EDARADD: variants seen among roughly 807,000 people sequenced by gnomAD.
EDARADD encodes the protein EDAR associated via death domain, also known as ectodysplasin-A receptor-associated adapter protein.
A neutral mutation model predicts 25.6 loss-of-function variants in EDARADD; 20 were observed. The ratio of observed to expected loss-of-function variants is 0.78; its 90% CI spans 0.55 to 1.14. EDARADD has a LOEUF of 1.14. EDARADD is among the 50% of genes most tolerant of loss of function. The pLI is 0.00. For missense variants in EDARADD, 225 were observed against 270.1 expected, an observed-to-expected ratio of 0.83 and a Z score of 1.17; for synonymous variants, 86 against 94.4, an observed-to-expected ratio of 0.91 and a Z score of 0.52.
chr1:236,394,407 A>G lies in EDARADD; in HGVS notation c.-38A>G, dbSNP rs1667475724. ...CGCAATCTGTTGCTTCTTCCATGGC[A>G]AACTCCAGAGAATTAAGAAGCCAAA... On this transcript the variant is annotated 5_prime_UTR_variant, in exon 1 of 6. Coordinates refer to ENST00000334232, the MANE Select transcript of EDARADD (RefSeq NM_145861.4). 6.2e-7 allele frequency: 1 copy of G among 1,611,920 alleles called. No individual in the cohort carries two copies. Among genetic ancestry groups the G allele is most frequent in the African/African-American group, 1.3e-5 (1 of 74,876 alleles).
intron 3 of EDARADD, among the ~76,000 whole-genome samples, chr1:236,377,597 C>T (rs371306712): frequency 6.6e-5 from 10 of 151,438 alleles, no homozygotes; most frequent in South Asian, 4.2e-4. Flanking sequence ...TGGTGGCTCA[C>T]GCCTGTAATC....
intron 4 of EDARADD, among the ~76,000 whole-genome samples, chr1:236,431,692 C>T (rs1658098562): frequency 2.0e-5 from 1 of 49,100 alleles, no homozygotes; most frequent in African/African-American, 3.9e-5. Flanking sequence ...GAGGCCGAGG[C>T]GGGTGGATCA....
At chr1:236,379,090 T>C (rs1223221145) in intron 3 of EDARADD, among the ~76,000 whole-genome samples, 6 of 151,926 alleles carry the variant, frequency 3.9e-5, no homozygotes, top group African/African-American at 1.4e-4. Context: ...CTAAAGTCAG[T>C]CGGGCGCGGT....
At chr1:236,353,131 C>T (rs1387940336) in intron 3 of EDARADD, among the ~76,000 whole-genome samples, 6 of 152,210 alleles carry the variant, frequency 3.9e-5, no homozygotes. Flanking sequence ...CACAGGACTC[C>T]AGCCTTGAAC....
At chr1:236,403,655 A>C (rs1667656538) in intron 1 of EDARADD, among the ~76,000 whole-genome samples, 1 of 152,014 alleles carries the variant, frequency 6.6e-6, no homozygotes, top group African/African-American at 2.4e-5. Flanking sequence ...GGATACTACT[A>C]CTCACCACTC....
chr1:236,427,371 C>G lies in EDARADD; in HGVS notation c.161-21C>G, dbSNP rs1553267281. The stretch of plus-strand genomic sequence containing the variant: ...AAAATCACACTTTGTTTCTTTCTTT[C>G]TTTCTTTTTTTTTTTCCTAGCTGAA... On this transcript the variant is annotated intron_variant, in intron 3 of 5. Transcript: ENST00000334232. 8 of 1,603,714 alleles carry G rather than the reference C, an allele frequency of 5.0e-6. No individual in the cohort carries two copies. The South Asian group carries it at 7.9e-5, about 16-fold the overall frequency.
chr1:236,478,381 G>GTGTGTGTGTGTGTA (rs914931296), intron 5 of EDARADD, among the ~76,000 whole-genome samples: 4 of 145,866 alleles, frequency 2.7e-5, no homozygotes, highest in African/African-American at 9.8e-5. Flanking sequence ...GTGTGTGTGT[G>GTGTGTGTGTGTGTA]TGTGTATGGA....
At chr1:236,425,058 T>C (rs923372040) in intron 3 of EDARADD, among the ~76,000 whole-genome samples, 2 of 152,122 alleles carry the variant, frequency 1.3e-5, no homozygotes, top group Non-Finnish European at 2.9e-5. Flanking sequence ...AGCCACCTCT[T>C]CCTCCAGGGA....
At chr1:236,460,169 A>G (rs1658999160) in intron 4 of EDARADD, among the ~76,000 whole-genome samples, 1 of 148,822 alleles carries the variant, frequency 6.7e-6, no homozygotes, top group African/African-American at 2.5e-5. Context: ...AAATAAATAC[A>G]TTTCTTCTTT....
chr1:236,354,893 G>T (rs374790596), intron 3 of EDARADD, among the ~76,000 whole-genome samples: 78 of 152,260 alleles, frequency 5.1e-4, no homozygotes, highest in African/African-American at 1.8e-3. Context: ...TGTAGCCATT[G>T]TGCATGCATT....
At chr1:236,409,364 C>G in intron 2 of EDARADD, 90 bp downstream of exon 2, 1 of 1,031,184 alleles carries the variant, frequency 9.7e-7, no homozygotes, top group Non-Finnish European at 1.5e-6. Flanking sequence ...TCAGTATTTA[C>G]ATGTGCATCA....
At chr1:236,472,018 A>AC (rs1659373489) in intron 5 of EDARADD, among the ~76,000 whole-genome samples, 1 of 151,392 alleles carries the variant, frequency 6.6e-6, no homozygotes. Flanking sequence ...GACATTCACT[A>AC]TTTTTTTTTA....
At chr1:236,466,792 G>A (rs61834027) in intron 4 of EDARADD, among the ~76,000 whole-genome samples, 4,364 of 152,306 alleles carry the variant, frequency 0.029, 93 homozygotes, top group Non-Finnish European at 0.045. Context: ...AAACATGCTG[G>A]GCACTGTGGC....
intron 4 of EDARADD, among the ~76,000 whole-genome samples, chr1:236,453,515 AT>A (rs1658769353): frequency 6.6e-6 from 1 of 152,076 alleles, no homozygotes; most frequent in South Asian, 2.1e-4. Flanking sequence ...TGACCTTGTG[AT>A]CCACCCGCCT....
chr1:236,393,431 T>C (rs1489450866), upstream of EDARADD, among the ~76,000 whole-genome samples: 3 of 120,232 alleles, frequency 2.5e-5, no homozygotes, highest in African/African-American at 9.3e-5. Flanking sequence ...AGTCTCACTC[T>C]GTCGCCCAGG....
At position 236,458,155 on chromosome 1, in the gene EDARADD, C is replaced by G. The variant is rs114128489; in HGVS notation, c.220-10076C>G. ...TTAATTGGGAGTACCCATTCACACT[C>G]CTGTCTAGCAATCTCACTTTAAGGA... On this transcript the variant is annotated intron_variant, in intron 4 of 5. Coordinates refer to ENST00000334232, the MANE Select transcript of EDARADD (RefSeq NM_145861.4). Among the ~76,000 whole-genome samples, 27 of 152,334 alleles carry G rather than the reference C, an allele frequency of 1.8e-4. 1 individual carries two copies. Among genetic ancestry groups the G allele is most frequent in the Non-Finnish European group, 3.5e-4 (24 of 68,034 alleles).
intron 3 of EDARADD, among the ~76,000 whole-genome samples, chr1:236,418,097 G>A (rs1657687813): frequency 6.6e-6 from 1 of 151,790 alleles, no homozygotes; most frequent in Non-Finnish European, 1.5e-5. Context: ...GGGACTATAG[G>A]CGCCCACCAC....
chr1:236,404,762 C>A (rs976878825), intron 1 of EDARADD, among the ~76,000 whole-genome samples: 8 of 151,876 alleles, frequency 5.3e-5, no homozygotes, highest in African/African-American at 1.7e-4. Flanking sequence ...GTGATCACAT[C>A]GCGGCACTCC....
chr1:236,423,391 G>A (rs529329692), intron 3 of EDARADD, among the ~76,000 whole-genome samples: 33 of 152,298 alleles, frequency 2.2e-4, no homozygotes, highest in South Asian at 6.2e-4. Flanking sequence ...AGGGCCTTGC[G>A]CTATGTGTGG....
Sources: gnomAD v4.1 joint callset for allele counts (sites outside exome capture counted in the v4.1 genomes callset) on GRCh38, gnomAD v4.1.1 for gene constraint, MANE v1.5 for transcripts, NCBI Gene and HGNC (gene_info 2026-07-23, HGNC 2026-07-21) for gene names.